Variants in CELF2 observed in about 807,000 individuals in gnomAD.
The protein encoded by CELF2 is CUG triplet repeat RNA-binding protein 2.
In CELF2, 8 loss-of-function variants were observed where a neutral mutation model predicts 62.6. The observed-to-expected ratio is 0.13, with a 90% CI of 0.07 to 0.23. The LOEUF is 0.23. Among genes scored for constraint, CELF2 ranks in the 10% least tolerant of loss-of-function variants. CELF2 has a pLI of 1.00. For missense variants in CELF2, 333 were observed against 671.0 expected, an observed-to-expected ratio of 0.50 and a Z score of 5.56; for synonymous variants, 258 against 250.0, an observed-to-expected ratio of 1.03 and a Z score of -0.30.
At chr10:11,160,510 A>G (rs923783937) in intron 1 of CELF2, among the ~76,000 whole-genome samples, 3 of 152,202 alleles carry the variant, frequency 2.0e-5, no homozygotes, top group Non-Finnish European at 4.4e-5. Flanking sequence ...GGTAAACTGA[A>G]GTTAAATAAA....
chr10:11,222,017 G>A (rs1314967460), intron 3 of CELF2, among the ~76,000 whole-genome samples: 16 of 152,364 alleles, frequency 1.1e-4, no homozygotes, highest in African/African-American at 3.6e-4. Flanking sequence ...CACCCAGGTG[G>A]AGTGAATGGG....
chr10:10,636,399 C>T, the CELF2 span, among the ~76,000 whole-genome samples: 2 of 152,240 alleles, frequency 1.3e-5, no homozygotes, highest in East Asian at 1.9e-4. Context: ...TTTCTCTCTA[C>T]TTGTAAAATA....
At chr10:10,521,388 G>T in the CELF2 span, among the ~76,000 whole-genome samples, 13 of 152,312 alleles carry the variant, frequency 8.5e-5, no homozygotes, top group South Asian at 2.5e-3. Flanking sequence ...TTGAGGCACA[G>T]TCTTGGAAAG....
At chr10:10,890,526 A>G (rs1279378042) in intron 1 of CELF2, among the ~76,000 whole-genome samples, 1 of 152,264 alleles carries the variant, frequency 6.6e-6, no homozygotes, top group East Asian at 1.9e-4. Flanking sequence ...TCTGATGGAC[A>G]TGGATGAAAT....
chr10:11,009,010 G>T (rs115317531), intron 1 of CELF2, among the ~76,000 whole-genome samples: 3 of 126,328 alleles, frequency 2.4e-5, no homozygotes, highest in Admixed American at 7.4e-5. Context: ...ATTTGCGGGG[G>T]GGGGGGGGGA....
At chr10:10,832,668 A>T (rs4237411) in intron 1 of CELF2, among the ~76,000 whole-genome samples, 82,273 of 151,964 alleles carry the variant, frequency 0.54, 22,894 homozygotes, top group East Asian at 0.76. Flanking sequence ...TTCAGGGCGG[A>T]AATCCCATAC....
At chr10:11,181,689 C>T (rs900977662) in intron 2 of CELF2, among the ~76,000 whole-genome samples, 1 of 152,224 alleles carries the variant, frequency 6.6e-6, no homozygotes, top group Non-Finnish European at 1.5e-5. Flanking sequence ...TGCCATTCTG[C>T]AGTTGCATAC....
In CELF2 at chr10:11,246,983, C is replaced by CGACT. The variant is rs535247599; in HGVS notation, c.355-2170_355-2169insGACT. Among the ~76,000 whole-genome samples, 83 of 152,310 alleles carry CGACT rather than the reference C, an allele frequency of 5.4e-4. No homozygotes were observed. In the East Asian group the frequency reaches 0.011, roughly 19 times the overall value. ...CCCATTCGGGCAGTCATCCCACAGT[C>CGACT]ACCTGGTTGTACAGACCTGGAGTTC... is the stretch of plus-strand genomic sequence containing the variant. On this transcript the variant is annotated intron_variant, in intron 3 of 12. Transcript: ENST00000633077. The surrounding 1 kb of genome is among the most constrained non-coding windows in gnomAD (Gnocchi z 4.6).
the CELF2 span, among the ~76,000 whole-genome samples, chr10:10,525,062 AT>A: frequency 6.6e-6 from 1 of 152,168 alleles, no homozygotes; most frequent in Non-Finnish European, 1.5e-5. Context: ...ATGTTTGGAT[AT>A]TTGCATACGT....
intron 2 of CELF2, among the ~76,000 whole-genome samples, chr10:10,967,806 G>A (rs989094933): frequency 3.3e-5 from 5 of 152,090 alleles, no homozygotes; most frequent in African/African-American, 9.7e-5. Context: ...ACTGGAGTTC[G>A]GCCAAGGGTA....
chr10:10,872,582 G>C (rs773131675), intron 1 of CELF2, among the ~76,000 whole-genome samples: 1 of 152,032 alleles, frequency 6.6e-6, no homozygotes, highest in Non-Finnish European at 1.5e-5. Context: ...GTGACTTCTA[G>C]TCCATCTAGA....
intron 1 of CELF2, among the ~76,000 whole-genome samples, chr10:10,820,044 G>A (rs1373982450): frequency 6.6e-6 from 1 of 152,064 alleles, no homozygotes; most frequent in Non-Finnish European, 1.5e-5. Context: ...TGCTATTCTT[G>A]TGATAGCAAA....
rs898923455 is a variant in CELF2 at position 11,206,787 on chromosome 10, A to G, written c.272-10638A>G. On this transcript the variant is annotated intron_variant, in intron 2 of 12. Coordinates refer to ENST00000633077, the MANE Select transcript of CELF2 (RefSeq NM_001326342.2). ...AAAAATACAAAGCGTGATAAATTCT[A>G]TGGCTAGCTTATTATCTTTCATTCC... 2.6e-5 allele frequency among the ~76,000 whole-genome samples: 4 copies of G among 152,248 alleles called. No homozygotes were observed. The East Asian group carries it at 7.7e-4, about 29-fold the overall frequency.
At chr10:10,534,311 A>G in the CELF2 span, among the ~76,000 whole-genome samples, 1 of 152,192 alleles carries the variant, frequency 6.6e-6, no homozygotes, top group Admixed American at 6.5e-5. Flanking sequence ...TTTAGGGTAA[A>G]AGGAGAGGTG....
At chr10:11,035,275 A>C (rs1163435746) in intron 1 of CELF2, among the ~76,000 whole-genome samples, 1 of 152,196 alleles carries the variant, frequency 6.6e-6, no homozygotes, top group Non-Finnish European at 1.5e-5. Flanking sequence ...GCTATTTAAA[A>C]TTTAATACAA....
rs897647175 is a variant in CELF2 at position 11,253,356 on chromosome 10, C to G, written c.403+4155C>G. On this transcript the variant is annotated intron_variant, in intron 4 of 12. Transcript: ENST00000633077. ...ACCTCCAGTGTCCAGGTGTCAAGTT[C>G]AGAGCTAGCAGCAGTCAAGATAACT... Among the ~76,000 whole-genome samples the G allele has an allele frequency of 5.9e-5, 9 of 152,296 alleles. No individual in the cohort carries two copies. In the South Asian group the frequency reaches 1.0e-3, roughly 18 times the overall value.
the CELF2 span, among the ~76,000 whole-genome samples, chr10:10,634,537 T>G: frequency 6.6e-6 from 1 of 152,182 alleles, no homozygotes; most frequent in Non-Finnish European, 1.5e-5. Context: ...TTGTATATAT[T>G]TTGGTGTACA....
Position 11,305,417 on chromosome 10 carries a change from A to G in CELF2, c.977-8722A>G, listed in dbSNP as rs1565890544. 6.6e-6 allele frequency among the ~76,000 whole-genome samples: 1 copy of G among 151,612 alleles called. No individual in the cohort carries two copies. Among genetic ancestry groups the G allele is most frequent in the Non-Finnish European group, 1.5e-5 (1 of 67,900 alleles). ...GTACACCGGGGCCAGTCCCTTCAAC[A>G]CTCTGGGCCTCTGCTTCCTCATCTT... On this transcript the variant is annotated intron_variant, in intron 9 of 12. Transcript: ENST00000633077. This position sits in a 1 kb window ranked among gnomAD's most constrained non-coding sequence, Gnocchi z 4.8.
At chr10:10,963,109 C>T (rs1006719353) in intron 2 of CELF2, among the ~76,000 whole-genome samples, 1 of 152,034 alleles carries the variant, frequency 6.6e-6, no homozygotes, top group Non-Finnish European at 1.5e-5. Context: ...GTCATGATCT[C>T]GGCTCACTGC....
Sources: allele counts gnomAD v4.1 joint callset (sites outside exome capture counted in the v4.1 genomes callset), GRCh38; gene constraint gnomAD v4.1.1; non-coding constraint Gnocchi (gnomAD v3.1); transcripts MANE v1.5; gene names NCBI Gene and HGNC (gene_info 2026-07-23, HGNC 2026-07-21).